Variants in GUCA1B observed in about 807,000 individuals in gnomAD.
GUCA1B encodes guanylyl cyclase-activating protein 2.
In GUCA1B, 22 loss-of-function variants were observed where a neutral mutation model predicts 24.2. The ratio of observed to expected loss-of-function variants is 0.91; its 90% confidence interval spans 0.65 to 1.30. The LOEUF (loss-of-function observed/expected upper bound fraction) is 1.30, where lower values mean the gene tolerates loss of function less well. Ranked by LOEUF, GUCA1B falls within the 50% of genes most tolerant of loss-of-function variation. GUCA1B has a pLI of 0.00. For synonymous variants in GUCA1B, 100 were observed against 97.9 expected (o/e 1.02, Z -0.13); for missense variants, 221 against 258.8 (o/e 0.85, Z 1.00).
At chr6:42,193,751 T>C (rs1226882446) in intron 1 of GUCA1B, among the ~76,000 whole-genome samples, 2 of 152,208 alleles carry the variant, frequency 1.3e-5, no homozygotes, top group Non-Finnish European at 2.9e-5. Flanking sequence ...TGAAGTGGCA[T>C]TCCCAGTGAT....
intron 2 of GUCA1B, among the ~76,000 whole-genome samples, chr6:42,187,842 A>G (rs1768222213): frequency 6.6e-6 from 1 of 150,788 alleles, no homozygotes; most frequent in Admixed American, 6.7e-5. Flanking sequence ...CCTAAGATAT[A>G]TTTTCTTTTC....
At chr6:42,194,362 C>T (rs968955102) in intron 1 of GUCA1B, among the ~76,000 whole-genome samples, 5 of 152,066 alleles carry the variant, frequency 3.3e-5, no homozygotes, top group South Asian at 4.2e-4. Flanking sequence ...AAGAAGAGGA[C>T]ACAGGGAGCA....
intron 2 of GUCA1B, among the ~76,000 whole-genome samples, chr6:42,187,275 T>C (rs1165968152): frequency 6.6e-6 from 1 of 152,090 alleles, no homozygotes; most frequent in Non-Finnish European, 1.5e-5. Flanking sequence ...CGGCTAATTT[T>C]TTGTATTTTT....
chr6:42,188,191 T>C (rs1768229615), intron 2 of GUCA1B, among the ~76,000 whole-genome samples: 1 of 152,194 alleles, frequency 6.6e-6, no homozygotes, highest in Admixed American at 6.5e-5. Flanking sequence ...TTCTAATATG[T>C]GTATTTTAAA....
chr6:42,188,588 A>G lies in GUCA1B; in HGVS notation c.351T>C (p.Ile117=), dbSNP rs193012469. The part of the protein sequence containing the change: ...GCIDRLELLN[I]VEGIYQLKKA... ...CATGGGCAGAGACACTAACCTCCACAATGTTGAGTAGCTCCAGGCGGTCGA... is the reference window on the plus strand; with the variant it reads ...CATGGGCAGAGACACTAACCTCCACGATGTTGAGTAGCTCCAGGCGGTCGA... Residue 117 remains isoleucine, a synonymous_variant, in exon 2 of 4, where the codon ATT becomes ATC. Transcript: ENST00000230361. 3 of 1,613,966 alleles carry G rather than the reference A, an allele frequency of 1.9e-6. No homozygotes were observed. In the East Asian group the frequency reaches 6.7e-5, roughly 36 times the overall value.
chr6:42,185,699 C>T lies in GUCA1B; in HGVS notation c.456G>A (p.Leu152=), dbSNP rs751349609. 1 of 1,599,062 alleles carries T rather than the reference C, an allele frequency of 6.3e-7. No homozygotes were observed. The highest frequency in any genetic ancestry group is 1.1e-5 in the South Asian group (1 of 90,778). The part of the protein sequence containing the change: ...PEEVVDRIFL[L]VDENGDGQLS... ...TCTTACCATCTCCATTCTCATCCAC[C>T]AGGAGGAAGATCCTGTCCACGACCT... Residue 152 remains leucine (L), a synonymous_variant, in exon 3 of 4, where the codon CTG becomes CTA. Transcript: ENST00000230361.
In GUCA1B at chr6:42,191,204, C is replaced by T. The variant is rs1768297369; in HGVS notation, c.208-2473G>A. On this transcript the variant is annotated intron_variant, in intron 1 of 3. Transcript: ENST00000230361. Reference sequence around the variant, plus strand: ...TGAATTGGCCATATTTGTGCACCAGCCCTGACTTCAATGCATGTTATATAA... The same window carrying T: ...TGAATTGGCCATATTTGTGCACCAGTCCTGACTTCAATGCATGTTATATAA... Among the ~76,000 whole-genome samples the T allele has an allele frequency of 1.3e-5, 2 of 152,132 alleles. 1 individual carries two copies. Among genetic ancestry groups the T allele is most frequent in the South Asian group, 4.1e-4 (2 of 4,826 alleles).
chr6:42,187,966 C>A (rs1768225263), intron 2 of GUCA1B, among the ~76,000 whole-genome samples: 1 of 152,060 alleles, frequency 6.6e-6, no homozygotes, highest in South Asian at 2.1e-4. Flanking sequence ...CCACCTCAGT[C>A]TCCCAAGTAG....
At chr6:42,185,548 A>G in intron 3 of GUCA1B, 132 bp downstream of exon 3, 1 of 700,070 alleles carries the variant, frequency 1.4e-6, no homozygotes, top group South Asian at 1.5e-5. Flanking sequence ...AGTTCATGAC[A>G]TCTTCTCCAC....
intron 2 of GUCA1B, among the ~76,000 whole-genome samples, chr6:42,186,599 A>AG (rs1768196334): frequency 6.7e-6 from 1 of 148,990 alleles, no homozygotes; most frequent in Non-Finnish European, 1.5e-5. Flanking sequence ...TCTCAGAAAA[A>AG]AAAAAGAAAG....
chr6:42,193,439 T>C (rs1270183122), intron 1 of GUCA1B, among the ~76,000 whole-genome samples: 1 of 152,266 alleles, frequency 6.6e-6, no homozygotes, highest in African/African-American at 2.4e-5. Flanking sequence ...ACCTGCCTTC[T>C]AGGCAGGAGC....
At chr6:42,194,123 G>T (rs910838011) in intron 1 of GUCA1B, among the ~76,000 whole-genome samples, 1 of 152,214 alleles carries the variant, frequency 6.6e-6, no homozygotes, top group Non-Finnish European at 1.5e-5. Flanking sequence ...GCCTCTTCCA[G>T]CATTCTTGAC....
In GUCA1B at chr6:42,188,621, A is replaced by G. The variant is rs778855487; in HGVS notation, c.318T>C (p.Asn106=). The change falls in exon 2 of 4, where the codon AAT becomes AAC. Residue 106 remains asparagine (N), a synonymous_variant. Transcript: ENST00000230361. ...WTFKIYDKDG[N]GCIDRLELLN... is the part of the protein sequence containing the mutation. ...GTAGCTCCAGGCGGTCGATGCAGCC[A>G]TTGCCATCCTTATCATAGATCTTGA... is the stretch of plus-strand genomic sequence containing the variant. The G allele has an allele frequency of 1.9e-5, 30 of 1,614,126 alleles. No homozygotes were observed. The highest frequency in any genetic ancestry group is 3.3e-4 in the Middle Eastern group (2 of 6,062).
At chr6:42,186,610 A>C (rs564920678) in intron 2 of GUCA1B, among the ~76,000 whole-genome samples, 2 of 147,862 alleles carry the variant, frequency 1.4e-5, no homozygotes, top group African/African-American at 5.3e-5. Context: ...AAAAAGAAAG[A>C]AAGAAAGCAC....
Position 42,184,059 on chromosome 6 carries a change from C to T in GUCA1B, c.*756G>A, listed in dbSNP as rs1359289452. 1.3e-5 allele frequency among the ~76,000 whole-genome samples: 2 copies of T among 151,902 alleles called. No homozygotes were observed. Among genetic ancestry groups the T allele is most frequent in the African/African-American group, 2.4e-5 (1 of 41,374 alleles). On this transcript the variant is annotated 3_prime_UTR_variant, in exon 4 of 4. Coordinates refer to ENST00000230361, the MANE Select transcript of GUCA1B (RefSeq NM_002098.6). Reference sequence around the variant, plus strand: ...CGGAAGTTATAGAATTATTGCTGCCCCCTGCCCCCCAAAACTCCTGCCTTT... The same window carrying T: ...CGGAAGTTATAGAATTATTGCTGCCTCCTGCCCCCCAAAACTCCTGCCTTT...
chr6:42,188,577 C>T lies in GUCA1B; in HGVS notation c.357+5G>A. On this transcript the variant is annotated splice_donor_5th_base_variant and intron_variant, in intron 2 of 3. Coordinates refer to ENST00000230361, the MANE Select transcript of GUCA1B (RefSeq NM_002098.6). ...GGCTGCTGGCCCATGGGCAGAGACA[C>T]TAACCTCCACAATGTTGAGTAGCTC... 6.2e-7 allele frequency: 1 copy of T among 1,614,062 alleles called. No homozygotes were observed. Among genetic ancestry groups the T allele is most frequent in the South Asian group, 1.1e-5 (1 of 91,080 alleles).
chr6:42,185,631 G>A (rs1402761046), intron 3 of GUCA1B, 49 bp downstream of exon 3: 1 of 1,126,762 alleles, frequency 8.9e-7, no homozygotes, highest in African/African-American at 1.5e-5. Flanking sequence ...GCCAGAAAGT[G>A]GCGATGATGC....
chr6:42,184,551 C>T lies in GUCA1B; in HGVS notation c.*264G>A. On this transcript the variant is annotated 3_prime_UTR_variant, in exon 4 of 4. Coordinates refer to ENST00000230361, the MANE Select transcript of GUCA1B (RefSeq NM_002098.6). ...CTGTGGGAGCCCCACAACCACCCAG[C>T]CAAGGCACAGTCCTCCCAGGAGCGG... The T allele has an allele frequency of 2.0e-6, 1 of 490,206 alleles. No individual in the cohort carries two copies. Among genetic ancestry groups the T allele is most frequent in the African/African-American group, 1.9e-5 (1 of 51,594 alleles). 30.4% of individuals were successfully genotyped at this position (490,206 alleles called of 1,614,324 possible).
intron 1 of GUCA1B, among the ~76,000 whole-genome samples, chr6:42,192,389 AGAAAAGAAAAGAAAAG>A (rs1562064919): frequency 0.016 from 59 of 3,766 alleles, 4 homozygotes; most frequent in African/African-American, 0.021. Flanking sequence ...AAGAGAGAAA[AGAAAAGAAAAGAAAAG>A]AAAAAGGAAA....
Sources: allele counts gnomAD v4.1 joint callset (sites outside exome capture counted in the v4.1 genomes callset), GRCh38; gene constraint gnomAD v4.1.1; transcripts MANE v1.5; gene names NCBI Gene and HGNC (gene_info 2026-07-23, HGNC 2026-07-21).